CDH23: variants seen among roughly 807,000 people sequenced by gnomAD.
CDH23 encodes cadherin related 23.
A neutral mutation model predicts 317.1 loss-of-function variants in CDH23; 189 were observed. The ratio of observed to expected loss-of-function variants is 0.60; its 90% CI spans 0.53 to 0.67. The LOEUF (loss-of-function observed/expected upper bound fraction) is 0.67, where lower values mean the gene tolerates loss of function less well. Among genes scored for constraint, CDH23 ranks in the 30% least tolerant of loss-of-function variants. The probability of loss-of-function intolerance (pLI) is 0.00; values close to 1 mark genes in which losing one functional copy is unlikely to be tolerated. For synonymous variants in CDH23, 1,839 were observed against 1,876.8 expected (o/e 0.98, Z 0.52); for missense variants, 4,401 against 4,592.4 (o/e 0.96, Z 1.20).
chr10:71,672,296 G>T (rs971421939), intron 14 of CDH23, among the ~76,000 whole-genome samples: 11 of 152,114 alleles, frequency 7.2e-5, no homozygotes, highest in South Asian at 2.1e-4. Flanking sequence ...ATGTGTGTAG[G>T]AGGGGAGGGG....
chr10:71,793,616 G>A lies in CDH23; in HGVS notation c.6688G>A (p.Ala2230Thr), dbSNP rs757945523. The change falls in exon 48 of 70, where the codon GCC (alanine) becomes ACC (threonine). Residue 2230 changes from alanine (A) to threonine (T), a missense_variant. Transcript: ENST00000224721. ...TDRLVPNQED[A>T]FAVNINTGSV... ...TCGCCTGGTGCCCAACCAGGAGGAC[G>A]CCTTTGCTGTGAATATCAACACAGG... is the stretch of plus-strand genomic sequence containing the variant. 6 of 1,597,506 alleles carry A rather than the reference G, an allele frequency of 3.8e-6. No homozygotes were observed. Among genetic ancestry groups the A allele is most frequent in the Admixed American group, 1.7e-5 (1 of 59,352 alleles).
At chr10:71,796,507 T>C (rs970425376) in intron 48 of CDH23, among the ~76,000 whole-genome samples, 2 of 152,202 alleles carry the variant, frequency 1.3e-5, no homozygotes, top group African/African-American at 4.8e-5. Flanking sequence ...CCCACCACTG[T>C]CCCCTCCAGG....
chr10:71,708,831 G>C (rs1467384962), intron 26 of CDH23, among the ~76,000 whole-genome samples: 5 of 152,226 alleles, frequency 3.3e-5, no homozygotes, highest in Non-Finnish European at 7.3e-5. Flanking sequence ...TCTGTGAGGT[G>C]GAGGCTAAAT....
intron 45 of CDH23, among the ~76,000 whole-genome samples, chr10:71,789,749 G>T (rs557342286): frequency 2.6e-5 from 4 of 152,198 alleles, no homozygotes; most frequent in Admixed American, 6.5e-5. Flanking sequence ...CCACTGATGC[G>T]CTCGTGTGCA....
chr10:71,695,455 CCA>C lies in CDH23; in HGVS notation c.2329_2330del (p.Thr777ValfsTer19), dbSNP rs775093336. 7.4e-6 allele frequency: 12 copies of C among 1,613,618 alleles called. No homozygotes were observed. Among genetic ancestry groups the C allele is most frequent in the Non-Finnish European group, 9.3e-6 (11 of 1,179,514 alleles). Reference sequence around the variant, plus strand: ...CTCCTGGACATCAATGACAACCACCCCACGTGGAAGGACGCACCCTACTACAT... The same window carrying C: ...CTCCTGGACATCAATGACAACCACCCCGTGGAAGGACGCACCCTACTACAT... On this transcript the variant is annotated frameshift_variant, in exon 22 of 70. Coordinates refer to ENST00000224721, the MANE Select transcript of CDH23 (RefSeq NM_022124.6). LOFTEE classifies it high-confidence loss of function.
intron 6 of CDH23, among the ~76,000 whole-genome samples, chr10:71,557,744 G>C (rs1345039349): frequency 1.3e-5 from 2 of 152,142 alleles, no homozygotes; most frequent in Non-Finnish European, 2.9e-5. Context: ...TAGTGTCACT[G>C]TTATGAAATT....
At chr10:71,463,331 C>T (rs1428972467) in intron 3 of CDH23, among the ~76,000 whole-genome samples, 1 of 152,236 alleles carries the variant, frequency 6.6e-6, no homozygotes, top group Non-Finnish European at 1.5e-5. Context: ...AACACAGAGT[C>T]TGGCACACCA....
intron 1 of CDH23, among the ~76,000 whole-genome samples, chr10:71,437,283 C>G (rs1346648039): frequency 1.3e-5 from 2 of 152,138 alleles, no homozygotes; most frequent in Non-Finnish European, 2.9e-5. Flanking sequence ...GTTGGAGAAC[C>G]ACACTGAAGA....
At chr10:71,578,825 G>T (rs1858424681) in intron 9 of CDH23, among the ~76,000 whole-genome samples, 1 of 152,214 alleles carries the variant, frequency 6.6e-6, no homozygotes. Context: ...AGGACATCTG[G>T]CCACCAGGCC....
At chr10:71,764,936 A>C (rs898876243) in intron 38 of CDH23, among the ~76,000 whole-genome samples, 4 of 152,240 alleles carry the variant, frequency 2.6e-5, no homozygotes, top group African/African-American at 9.6e-5. Context: ...CAGCAGGCTC[A>C]GTGGAAAAGG....
intron 30 of CDH23, among the ~76,000 whole-genome samples, chr10:71,726,407 G>A (rs1049056063): frequency 1.3e-5 from 2 of 152,090 alleles, no homozygotes; most frequent in Admixed American, 6.5e-5. Context: ...GGGTACTCAC[G>A]ATCACAAACA....
Position 71,751,890 on chromosome 10 carries a change from C to T in CDH23, c.4845+9969C>T, listed in dbSNP as rs1297389602. 6.5e-7 allele frequency: 1 copy of T among 1,536,086 alleles called. No individual in the cohort carries two copies. The highest frequency in any genetic ancestry group is 2.0e-5 in the Admixed American group (1 of 49,838). On this transcript the variant is annotated intron_variant, in intron 38 of 69. Coordinates refer to ENST00000224721, the MANE Select transcript of CDH23 (RefSeq NM_022124.6). This position sits in a 1 kb window ranked among gnomAD's most constrained non-coding sequence, Gnocchi z 4.9. ...CCACAGAACCAGAATGGAAGGTCATCTGTGCTGTCCGGAGCGTGAACTCTG... is the reference window on the plus strand; with the variant it reads ...CCACAGAACCAGAATGGAAGGTCATTTGTGCTGTCCGGAGCGTGAACTCTG...
At chr10:71,448,133 T>C (rs1300534926) in intron 3 of CDH23, among the ~76,000 whole-genome samples, 2 of 152,162 alleles carry the variant, frequency 1.3e-5, no homozygotes, top group African/African-American at 2.4e-5. Flanking sequence ...TGTCCCCACA[T>C]CTGTGACCTG....
intron 65 of CDH23, 68 bp from the exon 66 acceptor site, chr10:71,811,887 A>AC (rs1841942409): frequency 6.5e-6 from 10 of 1,534,982 alleles, no homozygotes; most frequent in Admixed American, 5.6e-5. Flanking sequence ...ATCCTCCCTC[A>AC]CCCCCCAACA....
chr10:71,752,288 G>T (rs1840024917), intron 38 of CDH23, among the ~76,000 whole-genome samples: 1 of 152,220 alleles, frequency 6.6e-6, no homozygotes, highest in Admixed American at 6.5e-5. Context: ...TCCCAGTTGG[G>T]AGTGGGATAA....
At position 71,532,719 on chromosome 10, in the gene CDH23, T is replaced by TTG. The variant is rs1855460462; in HGVS notation, c.429+21508_429+21509insGT. Among the ~76,000 whole-genome samples the TTG allele has an allele frequency of 3.6e-3, 146 of 40,920 alleles. 1 individual carries two copies. Among genetic ancestry groups the TTG allele is most frequent in the East Asian group, 0.012 (3 of 254 alleles). The allele number at this position is 40,920 out of a possible 152,430, so 26.8% of individuals were successfully genotyped here. On this transcript the variant is annotated intron_variant, in intron 6 of 69. Coordinates refer to ENST00000224721, the MANE Select transcript of CDH23 (RefSeq NM_022124.6). ...AGTTTTCTTTTGTTTTTGTTTTTTTTTTTTTTTGTTTTTTTTTTTTTTTTT... is the reference window on the plus strand; with the variant it reads ...AGTTTTCTTTTGTTTTTGTTTTTTTTTGTTTTTTTGTTTTTTTTTTTTTTTTT...
chr10:71,514,233 A>G lies in CDH23; in HGVS notation c.429+3021A>G, dbSNP rs1264163945. ...AGCAGAATTTCCCAGGGGACTGGTT[A>G]GAAAGCATATTCCCAACCTCTGCAA... On this transcript the variant is annotated intron_variant, in intron 6 of 69. Transcript: ENST00000224721. 3.3e-5 allele frequency among the ~76,000 whole-genome samples: 5 copies of G among 152,212 alleles called. No homozygotes were observed. In the East Asian group the frequency reaches 5.8e-4, roughly 18 times the overall value.
Position 71,793,503 on chromosome 10 carries a change from T to C in CDH23, c.6575T>C (p.Val2192Ala). ...CTGGAGTCGGCTGAGCCAGGCACTGTCATTGCCAATATCACGGCCATTGAC... is the reference window on the plus strand; with the variant it reads ...CTGGAGTCGGCTGAGCCAGGCACTGCCATTGCCAATATCACGGCCATTGAC... ...SVLESAEPGT[V>A]IANITAIDHD... The change falls in exon 48 of 70, where the codon GTC (valine) becomes GCC (alanine). Residue 2192 changes from valine (V) to alanine (A), a missense_variant. Physicochemically the swap from Val to Ala is moderately conservative, Grantham distance 64. This residue lies in a region of CDH23 where 3,068 missense variants were observed against 3,203.3 expected (regional missense o/e 0.96). Transcript: ENST00000224721. 1 of 1,613,880 alleles carries C rather than the reference T, an allele frequency of 6.2e-7. No homozygotes were observed. The highest frequency in any genetic ancestry group is 8.5e-7 in the Non-Finnish European group (1 of 1,179,876).
At chr10:71,531,500 C>G (rs1260363974) in intron 6 of CDH23, among the ~76,000 whole-genome samples, 1 of 152,164 alleles carries the variant, frequency 6.6e-6, no homozygotes, top group Non-Finnish European at 1.5e-5. Context: ...GTGAGTTAGT[C>G]GCCCACAGCC....
Sources: gnomAD v4.1 joint callset for allele counts (sites outside exome capture counted in the v4.1 genomes callset) on GRCh38, gnomAD v4.1.1 for gene constraint, gnomAD v4.1.1 regional missense constraint, Gnocchi (gnomAD v3.1) non-coding constraint, MANE v1.5 for transcripts, NCBI Gene and HGNC (gene_info 2026-07-23, HGNC 2026-07-21) for gene names.